The following MAPK15 variants were observed in gnomAD, a reference collection of about 807,000 sequenced individuals.
The protein encoded by MAPK15 is ERK-7.
In MAPK15, 61 loss-of-function variants were observed where a neutral mutation model predicts 60.8. The observed-to-expected ratio is 1.00, with a 90% CI of 0.82 to 1.24. The LOEUF is 1.24. Ranked by LOEUF, MAPK15 falls within the 50% of genes most tolerant of loss-of-function variation. The pLI is 0.00. For synonymous variants in MAPK15, 356 were observed against 319.9 expected (o/e 1.11, Z -1.21); for missense variants, 808 against 741.1 (o/e 1.09, Z -1.05).
intron 13 of MAPK15, 49 bp from the exon 14 acceptor site, chr8:143,722,026 A>G (rs371214246): frequency 6.4e-7 from 1 of 1,554,148 alleles, no homozygotes; most frequent in African/African-American, 1.5e-5. Context: ...CCTCCCCTCC[A>G]CTGCACCCCC....
At position 143,721,122 on chromosome 8, in the gene MAPK15, C is replaced by T; in HGVS notation, c.1023+17C>T. On this transcript the variant is annotated intron_variant, in intron 10 of 13. Coordinates refer to ENST00000338033, the MANE Select transcript of MAPK15 (RefSeq NM_139021.3). ...GTCTATCAGGTGCTCCGGCTCTCGACCCCTATCATCCCCTGTCTACTGCAC... is the reference window on the plus strand; with the variant it reads ...GTCTATCAGGTGCTCCGGCTCTCGATCCCTATCATCCCCTGTCTACTGCAC... 2 of 1,605,702 alleles carry T rather than the reference C, an allele frequency of 1.2e-6. No individual in the cohort carries two copies. Among genetic ancestry groups the T allele is most frequent in the Non-Finnish European group, 1.7e-6 (2 of 1,175,538 alleles).
Position 143,718,826 on chromosome 8 carries a change from A to T in MAPK15, c.338A>T (p.His113Leu), listed in dbSNP as rs1563749075. ...AAGGGCGGCCTGCTGCAGGACGTCC[A>T]CGTGCGCTCCATCTTCTACCAGCTC... ...IRKGGLLQDV[H>L]VRSIFYQLLR... Residue 113 changes from histidine to leucine, a missense_variant, in exon 5 of 14, where the codon CAC becomes CTC. Physicochemically the swap from His to Leu is moderately conservative, Grantham distance 99. Coordinates refer to ENST00000338033, the MANE Select transcript of MAPK15 (RefSeq NM_139021.3). 1 of 1,610,168 alleles carries T rather than the reference A, an allele frequency of 6.2e-7. No individual in the cohort carries two copies. Among genetic ancestry groups the T allele is most frequent in the Admixed American group, 1.7e-5 (1 of 59,540 alleles).
At chr8:143,717,100 G>A (rs1650530279) in intron 1 of MAPK15, among the ~76,000 whole-genome samples, 1 of 152,156 alleles carries the variant, frequency 6.6e-6, no homozygotes, top group Non-Finnish European at 1.5e-5. Flanking sequence ...TCGTGTGGGA[G>A]CTTTGGGGAA....
rs544649852 is a variant in MAPK15 at position 143,720,929 on chromosome 8, G to C, written c.918-71G>C. Reference sequence around the variant, plus strand: ...CCATGAGGGACAGCCCCCACAGCAGGGACCCTGCTGTGACGGCTTGAGGGG... The same window carrying C: ...CCATGAGGGACAGCCCCCACAGCAGCGACCCTGCTGTGACGGCTTGAGGGG... On this transcript the variant is annotated intron_variant, in intron 9 of 13. Transcript: ENST00000338033. This position sits in a 1 kb window ranked among gnomAD's most constrained non-coding sequence, Gnocchi z 4.6. 4 of 1,579,292 alleles carry C rather than the reference G, an allele frequency of 2.5e-6. No individual in the cohort carries two copies. The highest frequency in any genetic ancestry group is 3.4e-6 in the Non-Finnish European group (4 of 1,161,648).
Position 143,718,983 on chromosome 8 carries a change from C to G in MAPK15, c.418-10C>G, listed in dbSNP as rs782630750. 3.8e-5 allele frequency: 61 copies of G among 1,604,782 alleles called. No individual in the cohort carries two copies. In the South Asian group the frequency reaches 6.3e-4, roughly 17 times the overall value. ...CAGCCCCGGGGCCTCAGCCTGCCTC[C>G]TCTCTGCAGCCGTCCAATGTGCTCC... On this transcript the variant is annotated splice_polypyrimidine_tract_variant and intron_variant, in intron 5 of 13. Transcript: ENST00000338033.
Position 143,719,454 on chromosome 8 carries a change from G to A in MAPK15, c.693G>A (p.Leu231=). 1.2e-6 allele frequency: 2 copies of A among 1,608,226 alleles called. No homozygotes were observed. The highest frequency in any genetic ancestry group is 8.5e-7 in the Non-Finnish European group (1 of 1,178,496). Residue 231 remains leucine, a synonymous_variant, in exon 7 of 14, where the codon CTG becomes CTA. Transcript: ENST00000338033. ...CCCTCCACCAGCTGGAGCTGATCCT[G>A]GAGACCATCCCACCGCCATCTGAGG... ...TSTLHQLELI[L]ETIPPPSEED...
At chr8:143,718,014 C>T in intron 2 of MAPK15, 33 bp from the exon 3 acceptor site, 1 of 1,613,950 alleles carries the variant, frequency 6.2e-7, no homozygotes. Flanking sequence ...TCTTGCTCCA[C>T]CCACCCACAC....
chr8:143,721,711 C>T, intron 12 of MAPK15, 38 bp downstream of exon 12: 1 of 1,613,078 alleles, frequency 6.2e-7, no homozygotes, highest in South Asian at 1.1e-5. Flanking sequence ...GGGACCCCTC[C>T]TCTGCACCTT....
intron 1 of MAPK15, 38 bp downstream of exon 1, chr8:143,716,481 C>A (rs1554618380): frequency 6.3e-7 from 1 of 1,580,380 alleles, no homozygotes; most frequent in Admixed American, 1.8e-5. Flanking sequence ...CCGAGGGGCG[C>A]GGCAGATCTG....
chr8:143,722,025 C>T (rs369911217), intron 13 of MAPK15, 50 bp from the exon 14 acceptor site: 36 of 1,573,014 alleles, frequency 2.3e-5, no homozygotes, highest in Non-Finnish European at 3.0e-5. Context: ...GCCTCCCCTC[C>T]ACTGCACCCC....
Position 143,719,079 on chromosome 8 carries a change from G to C in MAPK15, c.504G>C (p.Gly168=), listed in dbSNP as rs1316847557. The C allele has an allele frequency of 7.6e-6, 12 of 1,573,068 alleles. No homozygotes were observed. The highest frequency in any genetic ancestry group is 1.0e-5 in the Non-Finnish European group (12 of 1,159,894). ...GCTCCCTGGGCGACCTCCCCGAGGGGCCTGAGGACCAGGCCGTGACAGAGT... is the reference window on the plus strand; with the variant it reads ...GCTCCCTGGGCGACCTCCCCGAGGGCCCTGAGGACCAGGCCGTGACAGAGT... The part of the protein sequence containing the change: ...LARSLGDLPE[G]PEDQAVTEYV... Residue 168 remains glycine (G), a synonymous_variant, in exon 6 of 14, where the codon GGG becomes GGC. Transcript: ENST00000338033.
chr8:143,719,195 T>C, intron 6 of MAPK15, 39 bp downstream of exon 6: 1 of 1,488,232 alleles, frequency 6.7e-7, no homozygotes, highest in South Asian at 1.3e-5. Context: ...TCCACCTCCC[T>C]GCTGCCCTCC....
At position 143,717,923 on chromosome 8, in the gene MAPK15, GC is replaced by G. The variant is rs1817875300; in HGVS notation, c.166-119del. The G allele has an allele frequency of 8.6e-6, 13 of 1,508,188 alleles. No individual in the cohort carries two copies. In the East Asian group the frequency reaches 2.7e-4, roughly 31 times the overall value. 93.4% of individuals were successfully genotyped at this position (1,508,188 alleles called of 1,614,324 possible). A position where few individuals can be genotyped will look rare whatever the true frequency, so the allele number is the denominator to read the frequency against. On this transcript the variant is annotated intron_variant, in intron 2 of 13. Coordinates refer to ENST00000338033, the MANE Select transcript of MAPK15 (RefSeq NM_139021.3). The stretch of plus-strand genomic sequence containing the variant: ...ATGTTCTGGCCTGTCTCGGAACACT[GC>G]CCCCTTGCCACGCCTGGTCTGGTGG...
chr8:143,718,727 G>GGGCC, intron 4 of MAPK15, 48 bp from the exon 5 acceptor site: 3 of 514,504 alleles, frequency 5.8e-6, no homozygotes, highest in African/African-American at 2.7e-5. Context: ...CCCCCAGGTT[G>GGGCC]CCCCCCCAGC....
Position 143,718,880 on chromosome 8 carries a change from G to A in MAPK15, c.392G>A (p.Gly131Glu), listed in dbSNP as rs369347726. 2.5e-6 allele frequency: 4 copies of A among 1,610,062 alleles called. No individual in the cohort carries two copies. The highest frequency in any genetic ancestry group is 3.4e-6 in the Non-Finnish European group (4 of 1,178,576). ...CGGGCCACCCGGTTCCTCCACTCGG[G>A]GCACGTTGTGCACCGGGACCAGAAG... ...LLRATRFLHS[G>E]HVVHRDQKPS... The change falls in exon 5 of 14, where the codon GGG becomes GAG. Residue 131 changes from glycine (G) to glutamate (E), a missense_variant. Transcript: ENST00000338033.
Position 143,721,845 on chromosome 8 carries a change from C to A in MAPK15, c.1423C>A (p.Arg475=). The change falls in exon 13 of 14, where the codon CGG becomes AGG. Residue 475 remains arginine (R), a synonymous_variant. Transcript: ENST00000338033. ...NQALIRGDWN[R]GGGVRVASVQ... The stretch of plus-strand genomic sequence containing the variant: ...GGCCCTGATCCGGGGTGACTGGAAC[C>A]GGGGCGGTGGGGTGAGGGTGGCCAG... The A allele has an allele frequency of 6.2e-7, 1 of 1,606,996 alleles. No individual in the cohort carries two copies. Among genetic ancestry groups the A allele is most frequent in the Non-Finnish European group, 8.5e-7 (1 of 1,176,926 alleles).
chr8:143,718,098 G>T, intron 3 of MAPK15, 22 bp downstream of exon 3: 1 of 1,614,060 alleles, frequency 6.2e-7, no homozygotes, highest in African/African-American at 1.3e-5. Context: ...GGGCCCTCCA[G>T]TCCAATCCCC....
Position 143,721,015 on chromosome 8 carries a change from C to T in MAPK15, c.933C>T (p.Ser311=), listed in dbSNP as rs782400211. ...CTCCCTGCAGGTTCCACTGCCCCAG[C>T]GACGAGTGGGCACGAGAGGCAGATG... ...HPYVQRFHCP[S]DEWAREADVR... is the part of the protein sequence containing the mutation. Residue 311 remains serine (S), a synonymous_variant, in exon 10 of 14, where the codon AGC becomes AGT. Transcript: ENST00000338033. 2.4e-5 allele frequency: 39 copies of T among 1,610,826 alleles called. No homozygotes were observed. In the East Asian group the frequency reaches 4.2e-4, roughly 18 times the overall value.
Position 143,719,468 on chromosome 8 carries a change from C to A in MAPK15, c.707C>A (p.Pro236Gln). The A allele has an allele frequency of 6.2e-7, 1 of 1,607,926 alleles. No homozygotes were observed. The highest frequency in any genetic ancestry group is 1.1e-5 in the South Asian group (1 of 90,370). ...QLELILETIP[P>Q]PSEEDLLALG... is the part of the protein sequence containing the mutation. Reference sequence around the variant, plus strand: ...GAGCTGATCCTGGAGACCATCCCACCGCCATCTGAGGAGGGTGAGCCAGGC... The same window carrying A: ...GAGCTGATCCTGGAGACCATCCCACAGCCATCTGAGGAGGGTGAGCCAGGC... The change falls in exon 7 of 14, where the codon CCG becomes CAG. Residue 236 changes from proline (P) to glutamine (Q), a missense_variant. Transcript: ENST00000338033.
Sources: gnomAD v4.1 joint callset for allele counts (sites outside exome capture counted in the v4.1 genomes callset) on GRCh38, gnomAD v4.1.1 for gene constraint, Gnocchi (gnomAD v3.1) non-coding constraint, MANE v1.5 for transcripts, NCBI Gene and HGNC (gene_info 2026-07-23, HGNC 2026-07-21) for gene names.